Variants in FBF1 observed in about 807,000 individuals in gnomAD.
The protein encoded by FBF1 is Fas binding factor 1.
FBF1 carries 119 observed loss-of-function variants against 147.2 expected under a neutral mutation model. The observed-to-expected ratio is 0.81, with a 90% CI of 0.70 to 0.94. The LOEUF (loss-of-function observed/expected upper bound fraction) is 0.94, where lower values mean the gene tolerates loss of function less well. FBF1 is among the 40% of genes least tolerant of loss of function. FBF1 has a pLI of 0.00. For synonymous variants in FBF1, 601 were observed against 609.0 expected, an observed-to-expected ratio of 0.99 and a Z score of 0.19; for missense variants, 1,449 against 1,500.8, an observed-to-expected ratio of 0.97 and a Z score of 0.57.
chr17:75,923,388 C>G lies in FBF1; in HGVS notation c.1222G>C (p.Ala408Pro). 1 of 1,606,424 alleles carries G rather than the reference C, an allele frequency of 6.2e-7. No homozygotes were observed. Among genetic ancestry groups the G allele is most frequent in the Non-Finnish European group, 8.5e-7 (1 of 1,176,878 alleles). The change falls in exon 14 of 30, where the codon GCA becomes CCA. Residue 408 changes from alanine (A) to proline (P), a missense_variant. By Grantham distance (27) the Ala-to-Pro change is conservative. Transcript: ENST00000636174. This position sits in a 1 kb window ranked among gnomAD's most constrained non-coding sequence, Gnocchi z 4.1. ...STPAGLPPSR[A>P]KPPTEGAGSP... ...CCTGCACCTTCAGTTGGTGGCTTTG[C>G]CCTGGAGGGGGGCAGCCCAGCTGGC...
intron 28 of FBF1, 104 bp downstream of exon 28, chr17:75,913,598 C>T: frequency 1.2e-6 from 1 of 821,694 alleles, no homozygotes; most frequent in African/African-American, 1.8e-5. Context: ...CTATAAAACC[C>T]AGCTGGCCGC....
rs2065555069 is a variant in FBF1 at position 75,925,565 on chromosome 17, A to G, written c.869-119T>C. 2 of 867,040 alleles carry G rather than the reference A, an allele frequency of 2.3e-6. No homozygotes were observed. The highest frequency in any genetic ancestry group is 1.8e-6 in the Non-Finnish European group (1 of 555,646). The allele number at this position is 867,040 out of a possible 1,614,324, so 53.7% of individuals were successfully genotyped here. A position where few individuals can be genotyped will look rare whatever the true frequency, so the allele number is the denominator to read the frequency against. On this transcript the variant is annotated intron_variant, in intron 12 of 29. Coordinates refer to ENST00000636174, the MANE Select transcript of FBF1 (RefSeq NM_001319193.2). The surrounding 1 kb of genome is among the most constrained non-coding windows in gnomAD (Gnocchi z 5.0). ...TTGTTGTGTAAGACAAGCAGAGGGAAGCTGCTGTGAAGGGAGCACCTCAGG... is the reference window on the plus strand; with the variant it reads ...TTGTTGTGTAAGACAAGCAGAGGGAGGCTGCTGTGAAGGGAGCACCTCAGG...
In FBF1 at chr17:75,920,345, G is replaced by A. The variant is rs760044094; in HGVS notation, c.1759C>T (p.Gln587Ter). 2 of 1,609,462 alleles carry A rather than the reference G, an allele frequency of 1.2e-6. No homozygotes were observed. The highest frequency in any genetic ancestry group is 1.3e-5 in the African/African-American group (1 of 74,860). ...KQLLAAQVQL[Q>*]CSPAELQAEL... The stretch of plus-strand genomic sequence containing the variant: ...GCCTGGAGCTCAGCGGGGCTGCACT[G>A]AAGTTGCACCTGTGCTGCCAGGAGC... Residue 587 changes from glutamine to a stop codon, truncating the protein, a stop_gained, in exon 18 of 30, where the codon CAG becomes TAG. Transcript: ENST00000636174. LOFTEE classifies it high-confidence loss of function.
At chr17:75,913,241 C>T (rs1050210592) in intron 28 of FBF1, among the ~76,000 whole-genome samples, 12 of 149,048 alleles carry the variant, frequency 8.1e-5, no homozygotes, top group Non-Finnish European at 1.8e-4. Context: ...CTCCACTTCT[C>T]GGGTTCGAGT....
rs745441357 is a variant in FBF1, at chr17:75,918,253, T to C, written c.2155A>G (p.Met719Val). ...RELQRASILD[M>V]RRDHEEQLQR... is the part of the protein sequence containing the mutation. ...AGCTGCTCCTCGTGGTCTCTGCGCA[T>C]GTCTAGGATGGACGCCCTGAGGGGA... The change falls in exon 21 of 30, where the codon ATG (methionine) becomes GTG (valine). Residue 719 changes from methionine (M) to valine (V), a missense_variant. Physicochemically the swap from Met to Val is conservative, Grantham distance 21 (BLOSUM62 1). Coordinates refer to ENST00000636174, the MANE Select transcript of FBF1 (RefSeq NM_001319193.2). This position sits in a 1 kb window ranked among gnomAD's most constrained non-coding sequence, Gnocchi z 5.8. 3.7e-6 allele frequency: 6 copies of C among 1,612,874 alleles called. No homozygotes were observed. The highest frequency in any genetic ancestry group is 2.2e-5 in the East Asian group (1 of 44,838).
chr17:75,926,686 C>T (rs1462290513), intron 10 of FBF1, 72 bp downstream of exon 10: 1 of 1,555,092 alleles, frequency 6.4e-7, no homozygotes, highest in Non-Finnish European at 8.7e-7. Context: ...TGGTTCTGCA[C>T]CAGAAAGGCT....
At chr17:75,930,101 C>G in intron 6 of FBF1, 54 bp from the exon 7 acceptor site, 1 of 1,410,998 alleles carries the variant, frequency 7.1e-7, no homozygotes, top group Non-Finnish European at 9.8e-7. Flanking sequence ...TAGTCAAGGC[C>G]CAATAAAACT....
rs1278360102 is a variant in FBF1 at position 75,919,439 on chromosome 17, A to T, written c.2138+229T>A. ...CTTGCTGCTGCCATGCCATGCCTGA[A>T]CAGCCTGTGGGTACCCCCTCCTGCC... On this transcript the variant is annotated intron_variant, in intron 20 of 29. Coordinates refer to ENST00000636174, the MANE Select transcript of FBF1 (RefSeq NM_001319193.2). This position sits in a 1 kb window ranked among gnomAD's most constrained non-coding sequence, Gnocchi z 5.0. Among the ~76,000 whole-genome samples, 13 of 152,118 alleles carry T rather than the reference A, an allele frequency of 8.5e-5. No homozygotes were observed. Among genetic ancestry groups the T allele is most frequent in the Admixed American group, 7.9e-4 (12 of 15,264 alleles).
chr17:75,914,170 G>A lies in FBF1; in HGVS notation c.2943C>T (p.Thr981=), dbSNP rs377502076. ...CGGCGCGGAGCTTGACACGCAGGGCGGTGGCGTTGATCCTCTCCTTCTCCA... is the reference window on the plus strand; with the variant it reads ...CGGCGCGGAGCTTGACACGCAGGGCAGTGGCGTTGATCCTCTCCTTCTCCA... ...LRLEKERINA[T]ALRVKLRAEE... is the part of the protein sequence containing the mutation. The change falls in exon 26 of 30, where the codon ACC becomes ACT. Residue 981 remains threonine, a synonymous_variant. Transcript: ENST00000636174. 3.1e-6 allele frequency: 5 copies of A among 1,598,968 alleles called. No homozygotes were observed. Among genetic ancestry groups the A allele is most frequent in the Admixed American group, 3.4e-5 (2 of 58,174 alleles).
In FBF1 at chr17:75,910,896, G is replaced by A; in HGVS notation, c.3364-90C>T. On this transcript the variant is annotated intron_variant, in intron 29 of 29. Transcript: ENST00000636174. This position sits in a 1 kb window ranked among gnomAD's most constrained non-coding sequence, Gnocchi z 4.1. ...GCTAGCTGAGCCAGCCGTCACTGAG[G>A]CCCCTCCCCACATCGTCCCTGACTC... The A allele has an allele frequency of 8.9e-7, 1 of 1,117,482 alleles. No homozygotes were observed. Among genetic ancestry groups the A allele is most frequent in the Non-Finnish European group, 1.3e-6 (1 of 759,594 alleles). 69.2% of individuals were successfully genotyped at this position (1,117,482 alleles called of 1,614,324 possible). A position where few individuals can be genotyped will look rare whatever the true frequency, so the allele number is the denominator to read the frequency against.
intron 28 of FBF1, among the ~76,000 whole-genome samples, chr17:75,913,109 G>A (rs1260710783): frequency 6.6e-6 from 1 of 150,458 alleles, no homozygotes; most frequent in Non-Finnish European, 1.5e-5. Context: ...GTGAAAAGTG[G>A]TTCTCTCAAG....
chr17:75,923,609 T>C lies in FBF1; in HGVS notation c.1001A>G (p.Lys334Arg), dbSNP rs2065542629. ...GCTCTGTTTGGAGCCTGGTTCTCCC[T>C]TGGGGTCTGCGCCACTGTCTGCGAA... The part of the protein sequence containing the change: ...RFFADSGADP[K>R]GEPGSKQSPP... Residue 334 changes from lysine to arginine, a missense_variant, in exon 14 of 30, where the codon AAG (lysine) becomes AGG (arginine). Coordinates refer to ENST00000636174, the MANE Select transcript of FBF1 (RefSeq NM_001319193.2). This position sits in a 1 kb window ranked among gnomAD's most constrained non-coding sequence, Gnocchi z 4.1. 2.5e-6 allele frequency: 4 copies of C among 1,609,890 alleles called. No homozygotes were observed. Among genetic ancestry groups the C allele is most frequent in the East Asian group, 2.2e-5 (1 of 44,834 alleles).
intron 23 of FBF1, 28 bp from the exon 24 acceptor site, chr17:75,915,167 C>A: frequency 6.3e-7 from 1 of 1,596,028 alleles, no homozygotes; most frequent in Admixed American, 1.7e-5. Context: ...GGACTGAGAG[C>A]GTGGTTCCCG....
At chr17:75,914,714 G>C in intron 25 of FBF1, 33 bp downstream of exon 25, 2 of 1,506,264 alleles carry the variant, frequency 1.3e-6, no homozygotes, top group Non-Finnish European at 1.8e-6. Flanking sequence ...GGCAACCCTG[G>C]GCCCTCCACT....
rs930492059 is a variant in FBF1, at chr17:75,928,966, C to T, written c.280-773G>A. 6.6e-6 allele frequency among the ~76,000 whole-genome samples: 1 copy of T among 151,542 alleles called. No individual in the cohort carries two copies. The highest frequency in any genetic ancestry group is 2.4e-5 in the African/African-American group (1 of 41,232). On this transcript the variant is annotated intron_variant, in intron 7 of 29. Transcript: ENST00000636174. This position sits in a 1 kb window ranked among gnomAD's most constrained non-coding sequence, Gnocchi z 4.2. ...ATGGCCTCCCAAAGTGCTGGCATTA[C>T]AGGAGTAAGCCACCATGCCAGACTT... is the stretch of plus-strand genomic sequence containing the variant.
chr17:75,914,731 A>C lies in FBF1; in HGVS notation c.2814+16T>G. 6.5e-7 allele frequency: 1 copy of C among 1,540,720 alleles called. No homozygotes were observed. Among genetic ancestry groups the C allele is most frequent in the African/African-American group, 1.4e-5 (1 of 73,196 alleles). On this transcript the variant is annotated intron_variant, in intron 25 of 29. Transcript: ENST00000636174. ...CAACCCTGGGCCCTCCACTGTCCGGAGGCTCTGGGCCCTACCTTGGCCAGG... is the reference window on the plus strand; with the variant it reads ...CAACCCTGGGCCCTCCACTGTCCGGCGGCTCTGGGCCCTACCTTGGCCAGG...
In FBF1 at chr17:75,925,652, G is replaced by A. The variant is rs1418318362; in HGVS notation, c.869-206C>T. The stretch of plus-strand genomic sequence containing the variant: ...AGACCCTGCCCCAGGATCCCTCGAG[G>A]TCAGGTCCAGCGAGCGGCATGTGTC... On this transcript the variant is annotated intron_variant, in intron 12 of 29. Transcript: ENST00000636174. This position sits in a 1 kb window ranked among gnomAD's most constrained non-coding sequence, Gnocchi z 5.0. Among the ~76,000 whole-genome samples, 1 of 152,244 alleles carries A rather than the reference G, an allele frequency of 6.6e-6. No homozygotes were observed. Among genetic ancestry groups the A allele is most frequent in the Non-Finnish European group, 1.5e-5 (1 of 68,050 alleles).
In FBF1 at chr17:75,926,207, C is replaced by T. The variant is rs368021494; in HGVS notation, c.735-44G>A. 1.0e-5 allele frequency: 16 copies of T among 1,604,190 alleles called. No homozygotes were observed. In the African/African-American group the frequency reaches 1.9e-4, roughly 19 times the overall value. On this transcript the variant is annotated intron_variant, in intron 11 of 29. Transcript: ENST00000636174. ...GGCAGGAACGTGTAGGTATGAGGGGCTCTCGGGAATCCCACAGTACCCGTC... is the reference window on the plus strand; with the variant it reads ...GGCAGGAACGTGTAGGTATGAGGGGTTCTCGGGAATCCCACAGTACCCGTC...
chr17:75,933,130 G>T, intron 4 of FBF1, 42 bp from the exon 5 acceptor site: 1 of 1,477,470 alleles, frequency 6.8e-7, no homozygotes, highest in Non-Finnish European at 9.3e-7. Context: ...TTAACTAAAG[G>T]TACCTGGAGT....
Sources: gnomAD v4.1 joint callset for allele counts (sites outside exome capture counted in the v4.1 genomes callset) on GRCh38, gnomAD v4.1.1 for gene constraint, Gnocchi (gnomAD v3.1) non-coding constraint, MANE v1.5 for transcripts, NCBI Gene and HGNC (gene_info 2026-07-23, HGNC 2026-07-21) for gene names.